The following LMBRD1 variants were observed in gnomAD, a reference collection of about 807,000 sequenced individuals.
LMBRD1 encodes lysosomal cobalamin transport escort protein LMBD1.
A neutral mutation model predicts 74.8 loss-of-function variants in LMBRD1; 64 were observed. That is an observed-to-expected ratio of 0.86 (90% CI 0.70 to 1.05). The LOEUF (loss-of-function observed/expected upper bound fraction) is 1.05, where lower values mean the gene tolerates loss of function less well. Among genes scored for constraint, LMBRD1 ranks in the 50% least tolerant of loss-of-function variants. The probability of loss-of-function intolerance (pLI) is 0.00; values close to 1 mark genes in which losing one functional copy is unlikely to be tolerated. For missense variants in LMBRD1, 652 were observed against 645.9 expected, an observed-to-expected ratio of 1.01 and a Z score of -0.10; for synonymous variants, 204 against 216.3, an observed-to-expected ratio of 0.94 and a Z score of 0.50.
intron 3 of LMBRD1, among the ~76,000 whole-genome samples, chr6:69,778,818 C>T (rs908531143): frequency 6.6e-6 from 1 of 151,996 alleles, no homozygotes; most frequent in Admixed American, 6.6e-5. Flanking sequence ...CTAAAATCTA[C>T]CCGAAAGAAA....
chr6:69,676,147 A>G lies in LMBRD1; in HGVS notation c.*11T>C. 1 of 1,596,158 alleles carries G rather than the reference A, an allele frequency of 6.3e-7. No individual in the cohort carries two copies. The highest frequency in any genetic ancestry group is 1.3e-5 in the African/African-American group (1 of 74,674). ...CAGTCAGCATTATAAAACCTTTAAG[A>G]CAGAAGGCTGTCAAGCAGAATAGAC... On this transcript the variant is annotated 3_prime_UTR_variant, in exon 16 of 16. Transcript: ENST00000649934.
At chr6:69,775,467 A>G (rs1299841893) in intron 3 of LMBRD1, among the ~76,000 whole-genome samples, 3 of 152,186 alleles carry the variant, frequency 2.0e-5, no homozygotes, top group African/African-American at 7.2e-5. Context: ...TGATACTAAG[A>G]TATTATGTGC....
intron 7 of LMBRD1, among the ~76,000 whole-genome samples, chr6:69,719,493 C>T (rs1407965999): frequency 6.6e-6 from 1 of 151,990 alleles, no homozygotes; most frequent in Non-Finnish European, 1.5e-5. Flanking sequence ...TTAATATATA[C>T]ATGTTATTTG....
chr6:69,693,967 G>A (rs1376528372), intron 14 of LMBRD1, among the ~76,000 whole-genome samples: 1 of 152,052 alleles, frequency 6.6e-6, no homozygotes, highest in Non-Finnish European at 1.5e-5. Context: ...TAAAGGGTAT[G>A]TTTTTGTATT....
chr6:69,741,107 T>C (rs1190567625), intron 6 of LMBRD1, among the ~76,000 whole-genome samples: 1 of 152,110 alleles, frequency 6.6e-6, no homozygotes, highest in Non-Finnish European at 1.5e-5. Flanking sequence ...CTCTTACTAA[T>C]TAAAAATAAA....
intron 14 of LMBRD1, among the ~76,000 whole-genome samples, chr6:69,686,109 T>C (rs906548130): frequency 1.3e-5 from 2 of 152,194 alleles, no homozygotes; most frequent in African/African-American, 4.8e-5. Context: ...TAAGAAATAC[T>C]TAAGTCAGTA....
At chr6:69,762,630 T>C (rs1017582872) in intron 3 of LMBRD1, among the ~76,000 whole-genome samples, 8 of 152,122 alleles carry the variant, frequency 5.3e-5, no homozygotes, top group African/African-American at 1.7e-4. Flanking sequence ...CCCCGTAAAA[T>C]CCATGTGTTG....
At chr6:69,701,103 C>A (rs1011428970) in intron 11 of LMBRD1, among the ~76,000 whole-genome samples, 2 of 151,408 alleles carry the variant, frequency 1.3e-5, no homozygotes, top group African/African-American at 4.8e-5. Context: ...GCAAATTAAA[C>A]TAAAATTGCA....
chr6:69,784,839 T>C (rs1765912614), intron 2 of LMBRD1, among the ~76,000 whole-genome samples: 1 of 152,170 alleles, frequency 6.6e-6, no homozygotes, highest in Non-Finnish European at 1.5e-5. Flanking sequence ...CCCTCAAAAA[T>C]TTCTCTCACT....
rs111747887 is a variant in LMBRD1 at position 69,725,339 on chromosome 6, TCACACACACACACACACACA to T, written c.637-6278_637-6259del. Among the ~76,000 whole-genome samples, 233 of 148,196 alleles carry T rather than the reference TCACACACACACACACACACA, an allele frequency of 1.6e-3. 1 individual carries two copies. Among genetic ancestry groups the T allele is most frequent in the Non-Finnish European group, 2.5e-3 (168 of 66,782 alleles). On this transcript the variant is annotated intron_variant, in intron 7 of 15. Transcript: ENST00000649934. ...CCTATCGAAATAGCAATGACAATCT[TCACACACACACACACACACA>T]CACACACACACACACACAAAACACA...
intron 6 of LMBRD1, 35 bp from the exon 7 acceptor site, chr6:69,738,050 A>G (rs1263211517): frequency 7.1e-7 from 1 of 1,402,366 alleles, no homozygotes; most frequent in Non-Finnish European, 1.0e-6. Flanking sequence ...AAATGTACAT[A>G]TATACTACTC....
intron 1 of LMBRD1, 176 bp from the exon 2 acceptor site, chr6:69,790,648 A>T: frequency 1.6e-6 from 1 of 641,504 alleles, no homozygotes; most frequent in Non-Finnish European, 2.8e-6. Context: ...TTCAAAGCCT[A>T]CTTCATGAAT....
At chr6:69,680,149 T>A (rs114707652) in intron 14 of LMBRD1, among the ~76,000 whole-genome samples, 141 of 152,200 alleles carry the variant, frequency 9.3e-4, no homozygotes, top group African/African-American at 3.3e-3. Context: ...AATTTGAATG[T>A]TTCAAAAATG....
At chr6:69,790,990 T>C (rs1436280888) in intron 1 of LMBRD1, among the ~76,000 whole-genome samples, 2 of 152,204 alleles carry the variant, frequency 1.3e-5, no homozygotes, top group Non-Finnish European at 2.9e-5. Flanking sequence ...ATTTAAATTT[T>C]AAAGAGCATT....
At chr6:69,733,184 T>C (rs1044323165) in intron 7 of LMBRD1, among the ~76,000 whole-genome samples, 6 of 152,194 alleles carry the variant, frequency 3.9e-5, no homozygotes, top group Non-Finnish European at 8.8e-5. Context: ...ATAACAAACA[T>C]GATTTTTACA....
At chr6:69,750,700 G>A (rs977789427) in intron 4 of LMBRD1, among the ~76,000 whole-genome samples, 1 of 152,068 alleles carries the variant, frequency 6.6e-6, no homozygotes, top group Non-Finnish European at 1.5e-5. Flanking sequence ...GAAAGAGAAC[G>A]CATACATCTC....
intron 3 of LMBRD1, among the ~76,000 whole-genome samples, chr6:69,752,799 T>C (rs886642539): frequency 6.6e-6 from 1 of 152,204 alleles, no homozygotes; most frequent in Non-Finnish European, 1.5e-5. Flanking sequence ...CTATAAATAA[T>C]ATTCTTTGTG....
intron 8 of LMBRD1, among the ~76,000 whole-genome samples, chr6:69,716,566 T>A (rs778600455): frequency 9.2e-5 from 14 of 152,140 alleles, no homozygotes; most frequent in Non-Finnish European, 1.8e-4. Flanking sequence ...CCTACAGATG[T>A]TATGTGCACA....
chr6:69,745,407 C>T (rs1358726486), intron 5 of LMBRD1, among the ~76,000 whole-genome samples: 4 of 151,302 alleles, frequency 2.6e-5, no homozygotes, highest in Admixed American at 1.3e-4. Context: ...TACAGGCGCC[C>T]GCCACCGTGC....
Sources: gnomAD v4.1 joint callset for allele counts (sites outside exome capture counted in the v4.1 genomes callset) on GRCh38, gnomAD v4.1.1 for gene constraint, MANE v1.5 for transcripts, NCBI Gene and HGNC (gene_info 2026-07-23, HGNC 2026-07-21) for gene names.